Variants in CADM2 observed in about 807,000 individuals in gnomAD.
CADM2 encodes cell adhesion molecule 2, also known as immunoglobulin superfamily member 4D.
In CADM2, 12 loss-of-function variants were observed where a neutral mutation model predicts 49.8. That is an observed-to-expected ratio of 0.24 (90% CI 0.15 to 0.39). The LOEUF (loss-of-function observed/expected upper bound fraction) is 0.39, where lower values mean the gene tolerates loss of function less well. CADM2 is among the 10% of genes least tolerant of loss of function. The probability of loss-of-function intolerance (pLI) is 1.00; values close to 1 mark genes in which losing one functional copy is unlikely to be tolerated. For synonymous variants in CADM2, 214 were observed against 175.4 expected, an observed-to-expected ratio of 1.22 and a Z score of -1.74; for missense variants, 378 against 492.3, an observed-to-expected ratio of 0.77 and a Z score of 2.20.
At chr3:85,309,420 G>T (rs149564535) in intron 1 of CADM2, among the ~76,000 whole-genome samples, 1 of 152,076 alleles carries the variant, frequency 6.6e-6, no homozygotes. Flanking sequence ...CATGCAATTT[G>T]CTTAGCCTCT....
At chr3:85,702,307 AT>A (rs1221595999) in intron 1 of CADM2, among the ~76,000 whole-genome samples, 1 of 150,972 alleles carries the variant, frequency 6.6e-6, no homozygotes, top group Non-Finnish European at 1.5e-5. Flanking sequence ...TTCTTTTTTT[AT>A]TTTTTTTCCT....
chr3:84,986,098 A>C (rs2032533662), intron 1 of CADM2, among the ~76,000 whole-genome samples: 1 of 152,224 alleles, frequency 6.6e-6, no homozygotes, highest in African/African-American at 2.4e-5. Flanking sequence ...TTTAACATAG[A>C]GAATTAGGAA....
chr3:85,096,529 A>C (rs1040575075), intron 1 of CADM2, among the ~76,000 whole-genome samples: 4 of 152,154 alleles, frequency 2.6e-5, no homozygotes, highest in African/African-American at 7.2e-5. Flanking sequence ...TTGATTTATA[A>C]GTTTGGGTTG....
intron 1 of CADM2, among the ~76,000 whole-genome samples, chr3:85,520,554 A>G (rs2061007049): frequency 6.6e-6 from 1 of 152,058 alleles, no homozygotes; most frequent in Non-Finnish European, 1.5e-5. Context: ...TTGCAATTAT[A>G]TTTTTAGGAA....
rs533915245 is a variant in CADM2 at position 85,126,317 on chromosome 3, C to T, written c.61+166649C>T. On this transcript the variant is annotated intron_variant, in intron 1 of 9. Coordinates refer to ENST00000383699, the MANE Select transcript of CADM2 (RefSeq NM_001167675.2). ...TCTGTTCTAGGAGCAGGGAATACCA[C>T]AGTGAAGTAAATAGGGACAAAACTC... Among the ~76,000 whole-genome samples, 3 of 151,994 alleles carry T rather than the reference C, an allele frequency of 2.0e-5. No individual in the cohort carries two copies. In the South Asian group the frequency reaches 6.2e-4, roughly 32 times the overall value.
chr3:85,029,275 A>G (rs1297858229), intron 1 of CADM2, among the ~76,000 whole-genome samples: 1 of 152,176 alleles, frequency 6.6e-6, no homozygotes, highest in Non-Finnish European at 1.5e-5. Flanking sequence ...ATACAGTTTG[A>G]GTATCATGGA....
intron 3 of CADM2, among the ~76,000 whole-genome samples, chr3:85,819,536 G>A (rs2073422468): frequency 6.6e-6 from 1 of 152,090 alleles, no homozygotes; most frequent in South Asian, 2.1e-4. Flanking sequence ...ATTTTGAGTA[G>A]TCATGCAATT....
intron 1 of CADM2, among the ~76,000 whole-genome samples, chr3:85,425,548 A>G (rs938515283): frequency 2.0e-5 from 3 of 152,182 alleles, no homozygotes; most frequent in Admixed American, 6.5e-5. Flanking sequence ...TACACAATAA[A>G]TTATTTTTAA....
At chr3:85,172,554 G>GCTTCCTCCTC (rs1267842356) in intron 1 of CADM2, among the ~76,000 whole-genome samples, 1 of 152,076 alleles carries the variant, frequency 6.6e-6, no homozygotes, top group Non-Finnish European at 1.5e-5. Flanking sequence ...GGGCAACAAT[G>GCTTCCTCCTC]TGAGCAAAGG....
intron 5 of CADM2, among the ~76,000 whole-genome samples, chr3:85,907,527 T>C (rs1716958325): frequency 6.6e-6 from 1 of 152,102 alleles, no homozygotes; most frequent in Non-Finnish European, 1.5e-5. Flanking sequence ...CTATTGAACT[T>C]GGAATGGATT....
At chr3:84,992,709 C>T (rs1254711193) in intron 1 of CADM2, among the ~76,000 whole-genome samples, 1 of 152,052 alleles carries the variant, frequency 6.6e-6, no homozygotes, top group Non-Finnish European at 1.5e-5. Context: ...CTCTTAGTAC[C>T]TCAAATCGTA....
At chr3:85,508,342 T>C (rs2040449573) in intron 1 of CADM2, among the ~76,000 whole-genome samples, 1 of 152,242 alleles carries the variant, frequency 6.6e-6, no homozygotes, top group South Asian at 2.1e-4. Context: ...AACAGTTTCC[T>C]GGTCTCTGTC....
intron 1 of CADM2, among the ~76,000 whole-genome samples, chr3:85,407,081 G>A (rs945492224): frequency 6.6e-6 from 1 of 151,984 alleles, no homozygotes; most frequent in African/African-American, 2.4e-5. Flanking sequence ...GCATGTGTTT[G>A]ATGCCAGCTA....
intron 1 of CADM2, among the ~76,000 whole-genome samples, chr3:85,510,540 CT>C (rs1241623220): frequency 6.6e-6 from 1 of 151,874 alleles, no homozygotes; most frequent in Non-Finnish European, 1.5e-5. Context: ...AACACTTTTG[CT>C]TTTTTCAGTT....
At chr3:85,390,136 T>A (rs1373959963) in intron 1 of CADM2, among the ~76,000 whole-genome samples, 1 of 151,968 alleles carries the variant, frequency 6.6e-6, no homozygotes, top group Non-Finnish European at 1.5e-5. Flanking sequence ...CCAGATAATA[T>A]TTATATAATG....
chr3:85,036,206 C>T (rs1454133364), intron 1 of CADM2, among the ~76,000 whole-genome samples: 1 of 151,996 alleles, frequency 6.6e-6, no homozygotes, highest in Non-Finnish European at 1.5e-5. Flanking sequence ...TTCTGTGGTT[C>T]TGAAGCACTG....
intron 1 of CADM2, among the ~76,000 whole-genome samples, chr3:85,257,605 C>T (rs2042917166): frequency 6.6e-6 from 1 of 151,744 alleles, no homozygotes; most frequent in South Asian, 2.1e-4. Flanking sequence ...GTTGTTTTTC[C>T]TTATGGTCAA....
chr3:85,391,104 A>G (rs1354323864), intron 1 of CADM2, among the ~76,000 whole-genome samples: 4 of 152,112 alleles, frequency 2.6e-5, no homozygotes, highest in Admixed American at 6.6e-5. Flanking sequence ...ATTACCTCCA[A>G]TGAAGTACTT....
intron 1 of CADM2, among the ~76,000 whole-genome samples, chr3:85,700,163 G>C (rs1045460258): frequency 6.6e-6 from 1 of 152,122 alleles, no homozygotes; most frequent in Admixed American, 6.5e-5. Flanking sequence ...CCATAAAAAA[G>C]AATGAGTTCA....
Sources: allele counts gnomAD v4.1 joint callset (sites outside exome capture counted in the v4.1 genomes callset), GRCh38; gene constraint gnomAD v4.1.1; transcripts MANE v1.5; gene names NCBI Gene and HGNC (gene_info 2026-07-23, HGNC 2026-07-21).